SVIL: variants seen among roughly 807,000 people sequenced by gnomAD.
SVIL encodes supervillin.
Under a neutral mutation model 240.4 loss-of-function variants are expected in SVIL, and 101 were observed. The ratio of observed to expected loss-of-function variants is 0.42; its 90% CI spans 0.36 to 0.50. The LOEUF is 0.50. Ranked by LOEUF, SVIL falls within the 20% of genes least tolerant of loss-of-function variation. The probability of loss-of-function intolerance (pLI) is 0.01; values close to 1 mark genes in which losing one functional copy is unlikely to be tolerated. For synonymous variants in SVIL, 999 were observed against 1,100.0 expected (o/e 0.91, Z 1.82); for missense variants, 2,512 against 2,818.7 (o/e 0.89, Z 2.46).
intron 17 of SVIL, among the ~76,000 whole-genome samples, chr10:29,507,287 C>T (rs147603480): frequency 7.2e-5 from 11 of 152,250 alleles, no homozygotes; most frequent in South Asian, 2.1e-4. Context: ...TGAGCTGGAG[C>T]GAAGAACATG....
chr10:29,488,940 G>T (rs12780924), intron 22 of SVIL, among the ~76,000 whole-genome samples, 184 bp from the exon 23 acceptor site: 1 of 152,218 alleles, frequency 6.6e-6, no homozygotes, highest in African/African-American at 2.4e-5. Context: ...TAAGAATTAA[G>T]TACAGCATTG....
intron 2 of SVIL, among the ~76,000 whole-genome samples, chr10:29,565,602 C>T (rs943268291): frequency 1.3e-5 from 2 of 152,102 alleles, no homozygotes; most frequent in Non-Finnish European, 2.9e-5. Context: ...CCTATTGTGA[C>T]CATCACCCAA....
chr10:29,537,691 A>T (rs1359985427), intron 6 of SVIL, among the ~76,000 whole-genome samples: 1 of 152,256 alleles, frequency 6.6e-6, no homozygotes, highest in Non-Finnish European at 1.5e-5. Flanking sequence ...AATAAAAGTT[A>T]TAATCAACTT....
chr10:29,544,883 G>A (rs1351060109), intron 6 of SVIL: 1 of 418,098 alleles, frequency 2.4e-6, no homozygotes, highest in East Asian at 6.3e-5. Flanking sequence ...GTATGGCAGG[G>A]AGCACAGGTG....
At chr10:29,657,401 A>T (rs1959037864) in intron 3 of SVIL, among the ~76,000 whole-genome samples, 1 of 152,212 alleles carries the variant, frequency 6.6e-6, no homozygotes, top group South Asian at 2.1e-4. Flanking sequence ...GAAGAAGGTC[A>T]TTTAACTTTA....
intron 3 of SVIL, among the ~76,000 whole-genome samples, chr10:29,560,715 T>C (rs888687173): frequency 2.6e-5 from 4 of 152,104 alleles, no homozygotes; most frequent in African/African-American, 9.7e-5. Flanking sequence ...GATACATGTG[T>C]TAAATCAGAG....
At chr10:29,693,960 CATAG>C (rs770623793) in intron 1 of SVIL, among the ~76,000 whole-genome samples, 1 of 151,522 alleles carries the variant, frequency 6.6e-6, no homozygotes, top group Admixed American at 6.6e-5. Context: ...TACATACATA[CATAG>C]ATACATAGAT....
In SVIL at chr10:29,707,438, C is replaced by G. The variant is rs553333452; in HGVS notation, c.-399-20787G>C. Among the ~76,000 whole-genome samples, 11 of 152,152 alleles carry G rather than the reference C, an allele frequency of 7.2e-5. No homozygotes were observed. The South Asian group carries it at 2.1e-3, about 29-fold the overall frequency. On this transcript the variant is annotated intron_variant, in intron 1 of 35. Transcript: ENST00000375400. ...AGTTCATTCATGATTTGGCTCTCTG[C>G]TTGTCTATTGTTGGTTTATTCGAAT...
chr10:29,717,223 A>ACT (rs146073951), intron 1 of SVIL, among the ~76,000 whole-genome samples: 3,156 of 103,642 alleles, frequency 0.03, 175 homozygotes, highest in East Asian at 0.058. Flanking sequence ...ACAGAGCAAG[A>ACT]CTCTCTCTCA....
chr10:29,507,651 A>AAGTT (rs1949482846), intron 17 of SVIL: 1 of 600,204 alleles, frequency 1.7e-6, no homozygotes, highest in Non-Finnish European at 2.1e-6. Flanking sequence ...TGCACCAAAT[A>AAGTT]AGTTATTTCC....
intron 29 of SVIL, among the ~76,000 whole-genome samples, chr10:29,475,811 G>C (rs1186825539): frequency 6.6e-6 from 1 of 152,146 alleles, no homozygotes; most frequent in African/African-American, 2.4e-5. Flanking sequence ...TGGAGTCTCT[G>C]GTTTTATATC....
In SVIL at chr10:29,539,159, G is replaced by A. The variant is rs145259962; in HGVS notation, c.828-3090C>T. Among the ~76,000 whole-genome samples, 851 of 134,742 alleles carry A rather than the reference G, an allele frequency of 6.3e-3. 11 individuals carry two copies. Among genetic ancestry groups the A allele is most frequent in the African/African-American group, 0.023 (813 of 35,714 alleles). 88.4% of individuals were successfully genotyped at this position (134,742 alleles called of 152,430 possible). ...CAGCCTGGGAGACAGAGTGAGACTC[G>A]GCCTCTAATAAATAAATAAATAAAT... On this transcript the variant is annotated intron_variant, in intron 6 of 37. Coordinates refer to ENST00000355867, the MANE Select transcript of SVIL (RefSeq NM_021738.3).
chr10:29,478,000 G>A (rs1946388055), intron 29 of SVIL, among the ~76,000 whole-genome samples: 1 of 152,118 alleles, frequency 6.6e-6, no homozygotes, highest in African/African-American at 2.4e-5. Context: ...AACAGCTAAA[G>A]TAAGAAAATG....
chr10:29,656,519 G>C (rs1202946231), intron 3 of SVIL, among the ~76,000 whole-genome samples: 1 of 151,742 alleles, frequency 6.6e-6, no homozygotes, highest in Non-Finnish European at 1.5e-5. Flanking sequence ...CTTAACATTT[G>C]AAACTTATAT....
rs761797560 is a variant in SVIL at position 29,512,756 on chromosome 10, T to C, written c.3495A>G (p.Ala1165=). The C allele has an allele frequency of 2.5e-6, 4 of 1,613,974 alleles. No homozygotes were observed. The highest frequency in any genetic ancestry group is 1.3e-5 in the African/African-American group (1 of 74,956). Residue 1165 remains alanine (A), a synonymous_variant, in exon 17 of 38, where the codon GCA becomes GCG. Coordinates refer to ENST00000355867, the MANE Select transcript of SVIL (RefSeq NM_021738.3). The part of the protein sequence containing the change: ...APASSLHTQE[A]GRSLIKKRVT... ...TTACCTTCTTGATGAGGGACCGCCCTGCTTCCTGGGTGTGCAGGCTGCTGG... is the reference window on the plus strand; with the variant it reads ...TTACCTTCTTGATGAGGGACCGCCCCGCTTCCTGGGTGTGCAGGCTGCTGG...
At chr10:29,461,139 T>C (rs1477238022) in intron 36 of SVIL, among the ~76,000 whole-genome samples, 1 of 152,314 alleles carries the variant, frequency 6.6e-6, no homozygotes, top group East Asian at 1.9e-4. Context: ...TAAACTTTCT[T>C]CCTTGGCTAT....
chr10:29,703,347 C>G (rs940510556), intron 1 of SVIL, among the ~76,000 whole-genome samples: 1 of 152,194 alleles, frequency 6.6e-6, no homozygotes, highest in African/African-American at 2.4e-5. Flanking sequence ...ACCAGCCCCC[C>G]ACTGCTCCAG....
chr10:29,672,449 G>A (rs1476442485), intron 2 of SVIL, among the ~76,000 whole-genome samples: 1 of 152,078 alleles, frequency 6.6e-6, no homozygotes, highest in Non-Finnish European at 1.5e-5. Context: ...GCTTCAGCCT[G>A]GGCGACAGAG....
At chr10:29,637,684 G>A (rs1008396963), upstream of SVIL, among the ~76,000 whole-genome samples, 4 of 152,176 alleles carry the variant, frequency 2.6e-5, no homozygotes, top group Non-Finnish European at 5.9e-5. Flanking sequence ...AACAAACAGT[G>A]CTAGAGCAAT....
Sources: gnomAD v4.1 joint callset for allele counts (sites outside exome capture counted in the v4.1 genomes callset) on GRCh38, gnomAD v4.1.1 for gene constraint, MANE v1.5 for transcripts, NCBI Gene and HGNC (gene_info 2026-07-23, HGNC 2026-07-21) for gene names.